The following TRPM7 variants were observed in gnomAD, a reference collection of about 807,000 sequenced individuals.
The protein encoded by TRPM7 is transient receptor potential cation channel subfamily M member 7.
Under a neutral mutation model 229.7 loss-of-function variants are expected in TRPM7, and 134 were observed. The ratio of observed to expected loss-of-function variants is 0.58; its 90% CI spans 0.51 to 0.67. The LOEUF is 0.67. Among genes scored for constraint, TRPM7 ranks in the 30% least tolerant of loss-of-function variants. The pLI, the probability that TRPM7 is intolerant of heterozygous loss-of-function variation, is 0.00. For synonymous variants in TRPM7, 699 were observed against 715.2 expected (o/e 0.98, Z 0.36); for missense variants, 1,901 against 2,210.0 (o/e 0.86, Z 2.80).
chr15:50,640,189 T>A (rs992130818), intron 5 of TRPM7, among the ~76,000 whole-genome samples: 2 of 152,050 alleles, frequency 1.3e-5, no homozygotes, highest in Non-Finnish European at 2.9e-5. Flanking sequence ...CAATAAACAA[T>A]GACAAAAGTC....
chr15:50,666,474 GGAA>G (rs1206260921), intron 1 of TRPM7, among the ~76,000 whole-genome samples: 4 of 151,138 alleles, frequency 2.6e-5, no homozygotes, highest in African/African-American at 7.3e-5. Flanking sequence ...AGGAGGAAGA[GGAA>G]GAAGAGGAAG....
intron 2 of TRPM7, among the ~76,000 whole-genome samples, chr15:50,661,078 G>C (rs2061710702): frequency 2.0e-5 from 3 of 151,534 alleles, no homozygotes; most frequent in African/African-American, 7.3e-5. Context: ...CCAGTGTCAA[G>C]CAATTCTCCT....
intron 1 of TRPM7, among the ~76,000 whole-genome samples, chr15:50,663,458 T>G (rs2414063): frequency 0.17 from 25,383 of 152,132 alleles, 2,828 homozygotes; most frequent in East Asian, 0.44. Flanking sequence ...AATTTTTTAT[T>G]TACTTTTCAC....
In TRPM7 at chr15:50,593,657, G is replaced by T. The variant is rs748330455; in HGVS notation, c.3568C>A (p.His1190Asn). The T allele has an allele frequency of 6.8e-6, 11 of 1,611,876 alleles. No homozygotes were observed. Among genetic ancestry groups the T allele is most frequent in the Non-Finnish European group, 6.8e-6 (8 of 1,179,388 alleles). Reference protein sequence around the residue: ...MYFNEKDDKFHSGSEERIRVT... With the variant: ...MYFNEKDDKFNSGSEERIRVT... ...CGAATTCTCTCTTCACTCCCAGAATGAAATTTGTCATCTTTTTCATTGAAA... is the reference window on the plus strand; with the variant it reads ...CGAATTCTCTCTTCACTCCCAGAATTAAATTTGTCATCTTTTTCATTGAAA... Residue 1190 changes from histidine to asparagine, a missense_variant, in exon 25 of 39, where the codon CAT (histidine) becomes AAT (asparagine). Coordinates refer to ENST00000646667, the MANE Select transcript of TRPM7 (RefSeq NM_017672.6).
At chr15:50,638,435 G>C (rs1327758723) in intron 6 of TRPM7, among the ~76,000 whole-genome samples, 1 of 136,284 alleles carries the variant, frequency 7.3e-6, no homozygotes, top group Non-Finnish European at 1.5e-5. Flanking sequence ...TGTAATCCTA[G>C]CTATTCAGGA....
chr15:50,621,748 A>T (rs2060413390), intron 12 of TRPM7, among the ~76,000 whole-genome samples: 1 of 152,166 alleles, frequency 6.6e-6, no homozygotes, highest in Non-Finnish European at 1.5e-5. Flanking sequence ...AAAACATAGC[A>T]GGCTGGGTGC....
intron 22 of TRPM7, among the ~76,000 whole-genome samples, chr15:50,598,765 A>C (rs1447950174): frequency 6.6e-6 from 1 of 152,204 alleles, no homozygotes; most frequent in African/African-American, 2.4e-5. Flanking sequence ...TAGAATCATA[A>C]GGGAAACTTA....
In TRPM7 at chr15:50,560,696, T is replaced by G. The variant is rs928710685; in HGVS notation, c.*982A>C. The G allele has an allele frequency of 2.6e-5, 4 of 152,602 alleles. No homozygotes were observed. The highest frequency in any genetic ancestry group is 2.0e-4 in the Admixed American group (3 of 15,278). 9.5% of individuals were successfully genotyped at this position (152,602 alleles called of 1,614,324 possible). A position where few individuals can be genotyped will look rare whatever the true frequency, so the allele number is the denominator to read the frequency against. On this transcript the variant is annotated 3_prime_UTR_variant, in exon 39 of 39. Transcript: ENST00000646667. ...ATCACATAATGATAATCCAACTGAA[T>G]TAATTTCTTAAGTACCACAAACAGC... is the stretch of plus-strand genomic sequence containing the variant.
rs1322992991 is a variant in TRPM7, at chr15:50,612,855, G to T, written c.1771-26C>A. 3 of 1,585,012 alleles carry T rather than the reference G, an allele frequency of 1.9e-6. No homozygotes were observed. In the African/African-American group the frequency reaches 4.1e-5, roughly 22 times the overall value. ...CTTCCAGGGAAAATAAAGTTATAAA[G>T]CTCATTATAATAAGGCCATATGAAA... is the stretch of plus-strand genomic sequence containing the variant. On this transcript the variant is annotated intron_variant, in intron 15 of 38. Coordinates refer to ENST00000646667, the MANE Select transcript of TRPM7 (RefSeq NM_017672.6).
At chr15:50,652,103 C>T (rs1194531140) in intron 3 of TRPM7, among the ~76,000 whole-genome samples, 3 of 151,220 alleles carry the variant, frequency 2.0e-5, no homozygotes, top group African/African-American at 7.3e-5. Flanking sequence ...GGGGCCGAGG[C>T]GGGTGGACCA....
intron 8 of TRPM7, among the ~76,000 whole-genome samples, chr15:50,634,122 T>G (rs2060816475): frequency 6.6e-6 from 1 of 151,874 alleles, no homozygotes; most frequent in Admixed American, 6.6e-5. Flanking sequence ...AGTTCAAGAC[T>G]AGCCTGCCCA....
At position 50,612,647 on chromosome 15, in the gene TRPM7, T is replaced by C. The variant is rs2140482420; in HGVS notation, c.1953A>G (p.Lys651=). The change falls in exon 16 of 39, where the codon AAA becomes AAG. Residue 651 remains lysine, a synonymous_variant. Transcript: ENST00000646667. ...LWQHGEESMA[K]ALVACKIYRS... Reference sequence around the variant, plus strand: ...GATAGATCTTACAGGCAACTAATGCTTTAGCCATTGATTCTTCACCATGTT... The same window carrying C: ...GATAGATCTTACAGGCAACTAATGCCTTAGCCATTGATTCTTCACCATGTT... 1 of 1,614,194 alleles carries C rather than the reference T, an allele frequency of 6.2e-7. No individual in the cohort carries two copies. The highest frequency in any genetic ancestry group is 8.5e-7 in the Non-Finnish European group (1 of 1,180,022).
intron 19 of TRPM7, among the ~76,000 whole-genome samples, chr15:50,609,001 G>T (rs570474167): frequency 6.6e-6 from 1 of 152,258 alleles, no homozygotes; most frequent in Non-Finnish European, 1.5e-5. Context: ...AAAATAACAG[G>T]TGAGTCCATC....
At position 50,591,879 on chromosome 15, in the gene TRPM7, T is replaced by C. The variant is rs376392942; in HGVS notation, c.4324+32A>G. 3.6e-6 allele frequency: 5 copies of C among 1,399,008 alleles called. No homozygotes were observed. In the African/African-American group the frequency reaches 4.3e-5, roughly 12 times the overall value. The allele number at this position is 1,399,008 out of a possible 1,614,324, so 86.7% of individuals were successfully genotyped here. On this transcript the variant is annotated intron_variant, in intron 26 of 38. Coordinates refer to ENST00000646667, the MANE Select transcript of TRPM7 (RefSeq NM_017672.6). ...TTTCTAAGGTGAAAAGTAAATAATATTGATATACAAATACGAATTTGCCAA... is the reference window on the plus strand; with the variant it reads ...TTTCTAAGGTGAAAAGTAAATAATACTGATATACAAATACGAATTTGCCAA...
In TRPM7 at chr15:50,634,442, T is replaced by C. The variant is rs554336886; in HGVS notation, c.947A>G (p.Glu316Gly). The change falls in exon 8 of 39, where the codon GAA (glutamate) becomes GGA (glycine). Residue 316 changes from glutamate (E) to glycine (G), a missense_variant. Physicochemically the swap from Glu to Gly is moderately conservative, Grantham distance 98. Transcript: ENST00000646667. ...CAGATCTGCAGCTCTGCCTGTTCCT[T>C]CACACACAACTACTGGAACAGGGGG... ...ESPPVPVVVC[E>G]GTGRAADLLA... The C allele has an allele frequency of 1.2e-4, 194 of 1,589,118 alleles. 3 individuals carry two copies. The South Asian group carries it at 2.1e-3, about 17-fold the overall frequency.
intron 1 of TRPM7, among the ~76,000 whole-genome samples, chr15:50,677,872 G>A (rs552836387): frequency 4.0e-5 from 6 of 151,430 alleles, no homozygotes; most frequent in Admixed American, 1.3e-4. Context: ...TCAAAAGAAC[G>A]GTAATCAAAT....
intron 11 of TRPM7, 132 bp from the exon 12 acceptor site, chr15:50,624,432 C>A: frequency 1.4e-6 from 1 of 737,274 alleles, no homozygotes. Context: ...AAAGATGCAA[C>A]ACAGTAAAAA....
chr15:50,685,215 G>A (rs1197739638), intron 1 of TRPM7, among the ~76,000 whole-genome samples: 1 of 152,166 alleles, frequency 6.6e-6, no homozygotes, highest in Admixed American at 6.5e-5. Flanking sequence ...GTAATCCCAG[G>A]ACTTTGGGGG....
chr15:50,672,333 G>C (rs981056166), intron 1 of TRPM7, among the ~76,000 whole-genome samples: 11 of 151,926 alleles, frequency 7.2e-5, no homozygotes, highest in African/African-American at 2.7e-4. Flanking sequence ...TAGGATTACA[G>C]GCGTGAGCCA....
Sources: allele counts gnomAD v4.1 joint callset (sites outside exome capture counted in the v4.1 genomes callset), GRCh38; gene constraint gnomAD v4.1.1; transcripts MANE v1.5; gene names NCBI Gene and HGNC (gene_info 2026-07-23, HGNC 2026-07-21).